The following RAB4B variants were observed in gnomAD, a reference collection of about 807,000 sequenced individuals.
RAB4B encodes RAB4B, member RAS oncogene family, also known as ras-related protein Rab-4B.
RAB4B carries 15 observed loss-of-function variants against 28.3 expected under a neutral mutation model. The ratio of observed to expected loss-of-function variants is 0.53; its 90% confidence interval spans 0.35 to 0.82. The LOEUF is 0.82. Among genes scored for constraint, RAB4B ranks in the 40% least tolerant of loss-of-function variants. The pLI is 0.01. For synonymous variants in RAB4B, 108 were observed against 116.3 expected (o/e 0.93, Z 0.46); for missense variants, 244 against 288.5 (o/e 0.85, Z 1.12).
Position 40,782,814 on chromosome 19 carries a change from A to G in RAB4B, c.213-964A>G, listed in dbSNP as rs191733998. Among the ~76,000 whole-genome samples, 103 of 112,936 alleles carry G rather than the reference A, an allele frequency of 9.1e-4. No individual in the cohort carries two copies. In the East Asian group the frequency reaches 0.027, roughly 30 times the overall value. The allele number at this position is 112,936 out of a possible 152,430, so 74.1% of individuals were successfully genotyped here. ...GGCGACAGAGCAAAACTCCATCTCA[A>G]TCAGTCAATCAATCAATCAATCAAT... On this transcript the variant is annotated intron_variant, in intron 3 of 7. Transcript: ENST00000357052.
chr19:40,783,118 G>A (rs2145043020), intron 3 of RAB4B, among the ~76,000 whole-genome samples: 1 of 130,374 alleles, frequency 7.7e-6, no homozygotes, highest in East Asian at 2.4e-4. Context: ...CTGCACCCCA[G>A]CCTGGGAGAC....
At chr19:40,782,540 C>T (rs1436609277) in intron 3 of RAB4B, among the ~76,000 whole-genome samples, 3 of 152,158 alleles carry the variant, frequency 2.0e-5, no homozygotes, top group Non-Finnish European at 2.9e-5. Flanking sequence ...GGGCCAGGCA[C>T]GGTGGCTCAC....
At chr19:40,785,434 C>T (rs1336588827) in intron 5 of RAB4B, 3 of 151,750 alleles carry the variant, frequency 2.0e-5, no homozygotes, top group African/African-American at 7.3e-5. Context: ...TCACTTGTGC[C>T]CAGAAGTTCG....
intron 7 of RAB4B, among the ~76,000 whole-genome samples, chr19:40,795,369 T>TTTTA (rs10594318): frequency 0.11 from 15,469 of 145,518 alleles, 1,223 homozygotes; most frequent in African/African-American, 0.23. Context: ...GGCAGGTTCA[T>TTTTA]TTTATTTATT....
chr19:40,786,938 T>C lies in RAB4B; in HGVS notation c.617T>C (p.Val206Ala). The change falls in exon 7 of 8, where the codon GTG becomes GCG. Residue 206 changes from valine (V) to alanine (A), a missense_variant. Val to Ala is a moderately conservative substitution (Grantham distance 64). Transcript: ENST00000357052. ...CGGCAGCCTCGGAGTGCCCAGGCCG[T>C]GGCCCCTCAGCCGTGTGGCTGCTGA... ...QLRQPRSAQA[V>A]APQPCGC 2 of 1,613,934 alleles carry C rather than the reference T, an allele frequency of 1.2e-6. No homozygotes were observed. Among genetic ancestry groups the C allele is most frequent in the Non-Finnish European group, 1.7e-6 (2 of 1,179,928 alleles).
chr19:40,783,656 T>G, intron 3 of RAB4B, 122 bp from the exon 4 acceptor site: 7 of 898,980 alleles, frequency 7.8e-6, no homozygotes, highest in Non-Finnish European at 9.4e-6. Context: ...AAGGCCAGGT[T>G]TTGGGGGATG....
intron 5 of RAB4B, chr19:40,786,184 G>C (rs2083096904): frequency 4.7e-6 from 1 of 211,842 alleles, no homozygotes; most frequent in Non-Finnish European, 9.7e-6. Flanking sequence ...GGGAGCATGG[G>C]CAGAGGGCTC....
rs532629835 is a variant in RAB4B, at chr19:40,794,130, A to G, written c.*16-2440A>G. 4.7e-4 allele frequency among the ~76,000 whole-genome samples: 71 copies of G among 151,824 alleles called. 1 individual carries two copies. The highest frequency in any genetic ancestry group is 1.7e-3 in the African/African-American group (70 of 41,454). On this transcript the variant is annotated intron_variant, in intron 7 of 7. Coordinates refer to ENST00000357052, the MANE Select transcript of RAB4B (RefSeq NM_016154.5). ...GCTTATGTTGCCCAAGCTGGAGTGC[A>G]ATGGTGTGGTCTCGGCTCACTGAAA...
intron 4 of RAB4B, 28 bp from the exon 5 acceptor site, chr19:40,783,893 G>A: frequency 6.3e-7 from 1 of 1,590,114 alleles, no homozygotes; most frequent in Non-Finnish European, 8.6e-7. Context: ...CTCCTGCACT[G>A]CCTCCCTCCC....
intron 5 of RAB4B, chr19:40,786,023 G>T (rs2083095287): frequency 1.3e-5 from 2 of 158,606 alleles, no homozygotes; most frequent in Non-Finnish European, 2.7e-5. Flanking sequence ...GCAGGCAGAG[G>T]CAGAGGGGTC....
intron 1 of RAB4B, chr19:40,779,107 A>G (rs900440674): frequency 1.2e-6 from 1 of 824,790 alleles, no homozygotes; most frequent in African/African-American, 1.9e-5. Flanking sequence ...CAGGAGCTAT[A>G]GTGGAGTGAA....
chr19:40,796,235 A>C (rs149397079), intron 7 of RAB4B: 2,736 of 152,226 alleles, frequency 0.018, 37 homozygotes, highest in Non-Finnish European at 0.026. Context: ...TCCTGGGCTC[A>C]AGCATTCCTC....
intron 7 of RAB4B, among the ~76,000 whole-genome samples, chr19:40,794,968 C>G (rs1253969410): frequency 9.4e-6 from 1 of 106,052 alleles, no homozygotes; most frequent in Non-Finnish European, 1.8e-5. Flanking sequence ...ATCTGTAGAT[C>G]AAGTGAAACC....
chr19:40,784,514 A>C (rs78043976), intron 5 of RAB4B, among the ~76,000 whole-genome samples: 2 of 117,712 alleles, frequency 1.7e-5, no homozygotes, highest in South Asian at 2.7e-4. Context: ...ACAACAACAA[A>C]ACAACAACAA....
chr19:40,793,778 G>C (rs2083182411), intron 7 of RAB4B, among the ~76,000 whole-genome samples: 1 of 151,348 alleles, frequency 6.6e-6, no homozygotes, highest in Admixed American at 6.6e-5. Context: ...ACAAAAGTTA[G>C]CCAGGCGTGG....
intron 3 of RAB4B, 58 bp downstream of exon 3, chr19:40,780,557 G>T: frequency 6.9e-7 from 1 of 1,446,110 alleles, no homozygotes; most frequent in Non-Finnish European, 9.6e-7. Context: ...GAAAGAGAGA[G>T]ATGTGTGTGT....
At chr19:40,782,222 C>T (rs2083056125) in intron 3 of RAB4B, among the ~76,000 whole-genome samples, 1 of 152,050 alleles carries the variant, frequency 6.6e-6, no homozygotes, top group South Asian at 2.1e-4. Context: ...AGGTGTGTAG[C>T]ATGGGCTAGG....
chr19:40,780,024 C>G lies in RAB4B; in HGVS notation c.22C>G (p.Leu8Val). 2 of 1,611,950 alleles carry G rather than the reference C, an allele frequency of 1.2e-6. No individual in the cohort carries two copies. Among genetic ancestry groups the G allele is most frequent in the Non-Finnish European group, 1.7e-6 (2 of 1,178,016 alleles). The change falls in exon 2 of 8, where the codon CTC becomes GTC. Residue 8 changes from leucine (L) to valine (V), a missense_variant. Coordinates refer to ENST00000357052, the MANE Select transcript of RAB4B (RefSeq NM_016154.5). ...TTTTGGCTCCATCTGGTCAGACTTC[C>G]TCTTCAAATTCCTGGTGATTGGCAG... MAETYDFLFKFLVIGSAG... is the reference protein window; with the variant it reads MAETYDFVFKFLVIGSAG...
chr19:40,781,661 T>C (rs2083049455), intron 3 of RAB4B, among the ~76,000 whole-genome samples: 1 of 151,830 alleles, frequency 6.6e-6, no homozygotes, highest in Non-Finnish European at 1.5e-5. Flanking sequence ...GAGAAATGCG[T>C]AGGGCTCAAC....
Sources: allele counts gnomAD v4.1 joint callset (sites outside exome capture counted in the v4.1 genomes callset), GRCh38; gene constraint gnomAD v4.1.1; transcripts MANE v1.5; gene names NCBI Gene and HGNC (gene_info 2026-07-23, HGNC 2026-07-21).